The following TBL1Y variants were observed in gnomAD, a reference collection of about 807,000 sequenced individuals.
The protein encoded by TBL1Y is transducin beta like 1 Y-linked.
A neutral mutation model predicts 12.0 loss-of-function variants in TBL1Y; 15 were observed. The ratio of observed to expected loss-of-function variants is 1.25; its 90% CI spans 0.83 to 1.92. The LOEUF (loss-of-function observed/expected upper bound fraction) is 1.92, where lower values mean the gene tolerates loss of function less well. Ranked by LOEUF, TBL1Y falls within the 40% of genes most tolerant of loss-of-function variation. The pLI, the probability that TBL1Y is intolerant of heterozygous loss-of-function variation, is 0.00. For missense variants in TBL1Y, 148 were observed against 116.7 expected (o/e 1.27, Z -1.24); for synonymous variants, 53 against 42.6 (o/e 1.24, Z -0.95).
intron 15 of TBL1Y, 101 bp downstream of exon 15, chrY:7,086,073 T>C: frequency 1.1e-5 from 3 of 267,761 alleles, no homozygotes; most frequent in Non-Finnish European, 1.7e-5. Context: ...TATTTGTTAC[T>C]GACCACGTTC....
chrY:6,947,832 C>T (rs2011994086), intron 2 of TBL1Y, among the ~76,000 whole-genome samples: 1 of 33,733 alleles, frequency 3.0e-5, no homozygotes, highest in Non-Finnish European at 7.3e-5. Flanking sequence ...AAGGTCTATT[C>T]CAGCTTTAGA....
In TBL1Y at chrY:6,946,059, A is replaced by G; in HGVS notation, c.-265-32154A>G. Among the ~76,000 whole-genome samples, 4 of 33,808 alleles carry G rather than the reference A, an allele frequency of 1.2e-4. No individual in the cohort carries two copies. In the South Asian group the frequency reaches 2.1e-3, roughly 17 times the overall value. 90.7% of individuals were successfully genotyped at this position (33,808 alleles called of 37,273 possible). On this transcript the variant is annotated intron_variant, in intron 2 of 18. Coordinates refer to ENST00000383032, the MANE Select transcript of TBL1Y (RefSeq NM_033284.2). ...ATTTCTCCGTAAGAGAAGTGAACAC[A>G]TAACTCTTGTAATAGCAAATACTGC...
intron 14 of TBL1Y, among the ~76,000 whole-genome samples, chrY:7,083,012 T>C (rs2124190116): frequency 3.0e-5 from 1 of 33,674 alleles, no homozygotes; most frequent in Admixed American, 2.7e-4. Context: ...CAGGCATTTG[T>C]TATCCTGTTT....
Position 7,080,763 on chromosome Y carries a change from C to T in TBL1Y, c.987C>T (p.Asn329=). Residue 329 remains asparagine (N), a synonymous_variant, in exon 14 of 19, where the codon AAC becomes AAT. Transcript: ENST00000383032. ...APALDVDWQN[N]MTFASCSTDM... is the part of the protein sequence containing the mutation. The stretch of plus-strand genomic sequence containing the variant: ...CCCTTGATGTGGACTGGCAGAACAA[C>T]ATGACCTTTGCCTCCTGTAGCACAG... 2.5e-6 allele frequency: 1 copy of T among 398,707 alleles called. No homozygotes were observed. Among genetic ancestry groups the T allele is most frequent in the Non-Finnish European group, 3.5e-6 (1 of 283,586 alleles).
chrY:7,032,008 C>T (rs2012659108), intron 6 of TBL1Y, among the ~76,000 whole-genome samples: 5 of 32,966 alleles, frequency 1.5e-4, no homozygotes, highest in African/African-American at 4.7e-4. Flanking sequence ...CATTTGGTGG[C>T]GAAGGTTGCA....
At chrY:6,949,813 G>GA (rs2012011433) in intron 2 of TBL1Y, among the ~76,000 whole-genome samples, 1 of 33,387 alleles carries the variant, frequency 3.0e-5, no homozygotes, top group African/African-American at 1.2e-4. Context: ...AAGTTTTAAT[G>GA]AGTCAACCCA....
At chrY:6,951,550 C>T (rs754296425) in intron 2 of TBL1Y, among the ~76,000 whole-genome samples, 7 of 32,851 alleles carry the variant, frequency 2.1e-4, no homozygotes, top group Admixed American at 5.6e-4. Flanking sequence ...TTTTTTATTG[C>T]GTCTATTTGA....
chrY:7,046,542 T>G (rs2012758832), intron 7 of TBL1Y, among the ~76,000 whole-genome samples: 1 of 33,966 alleles, frequency 2.9e-5, no homozygotes. Flanking sequence ...TACCATAGAA[T>G]GTGCCATAGA....
At chrY:6,911,308 G>A in intron 1 of TBL1Y, among the ~76,000 whole-genome samples, 1 of 34,581 alleles carries the variant, frequency 2.9e-5, no homozygotes, top group African/African-American at 1.1e-4. Flanking sequence ...TCTTCCTGGT[G>A]CCCCTTTGTT....
At chrY:7,068,168 G>A (rs2013000186) in intron 8 of TBL1Y, among the ~76,000 whole-genome samples, 1 of 31,733 alleles carries the variant, frequency 3.2e-5, no homozygotes, top group South Asian at 7.6e-4. Context: ...TGGGTGTGGT[G>A]TTGCATGTCT....
intron 7 of TBL1Y, among the ~76,000 whole-genome samples, chrY:7,062,481 A>G: frequency 3.0e-5 from 1 of 33,466 alleles, no homozygotes; most frequent in Non-Finnish European, 7.4e-5. Flanking sequence ...TAGTCCTTTC[A>G]TTATCCTTCC....
intron 7 of TBL1Y, among the ~76,000 whole-genome samples, chrY:7,046,336 C>G: frequency 9.0e-5 from 3 of 33,470 alleles, no homozygotes; most frequent in African/African-American, 3.5e-4. Flanking sequence ...AAAGAATGAG[C>G]TAAATAGTCA....
chrY:6,918,136 A>C (rs781616092), intron 2 of TBL1Y, among the ~76,000 whole-genome samples: 1 of 33,177 alleles, frequency 3.0e-5, no homozygotes, highest in African/African-American at 1.2e-4. Context: ...CCCATGTCCA[A>C]GTGAGCCCCA....
chrY:7,084,478 C>T (rs1003417700), intron 14 of TBL1Y, among the ~76,000 whole-genome samples: 4 of 33,566 alleles, frequency 1.2e-4, no homozygotes, highest in African/African-American at 1.2e-4. Flanking sequence ...TTAGTAGAGA[C>T]GGGGTTTCAC....
intron 7 of TBL1Y, among the ~76,000 whole-genome samples, chrY:7,050,494 CAAAAAAAAAAAAAAAAA>C (rs59898645): frequency 1.9e-3 from 1 of 527 alleles, no homozygotes; most frequent in Admixed American, 0.029. Flanking sequence ...GACTCTGTCT[CAAAAAAAAAAAAAAAAA>C]AAAAAAAAAA....
At chrY:7,087,541 G>C (rs996262089) in intron 17 of TBL1Y, 109 bp downstream of exon 17, 2 of 239,391 alleles carry the variant, frequency 8.4e-6, no homozygotes, top group Non-Finnish European at 1.3e-5. Context: ...GCAAGCCCAG[G>C]CTTCCCGGAC....
intron 2 of TBL1Y, among the ~76,000 whole-genome samples, chrY:6,917,948 G>T: frequency 3.0e-5 from 1 of 33,252 alleles, no homozygotes; most frequent in Non-Finnish European, 7.4e-5. Flanking sequence ...AAGGGAGTTA[G>T]TGTGCCACCT....
chrY:7,050,570 G>A, intron 7 of TBL1Y, among the ~76,000 whole-genome samples: 2 of 24,559 alleles, frequency 8.1e-5, no homozygotes, highest in Non-Finnish European at 1.8e-4. Context: ...ATTAGGCAGA[G>A]AGAGAGAGAA....
chrY:7,015,926 C>G (rs2012546382), intron 4 of TBL1Y, among the ~76,000 whole-genome samples: 1 of 33,445 alleles, frequency 3.0e-5, no homozygotes, highest in South Asian at 6.8e-4. Flanking sequence ...TAACAACAAC[C>G]CTGCAAATCA....
Sources: allele counts gnomAD v4.1 joint callset (sites outside exome capture counted in the v4.1 genomes callset), GRCh38; gene constraint gnomAD v4.1.1; transcripts MANE v1.5; gene names NCBI Gene and HGNC (gene_info 2026-07-23, HGNC 2026-07-21).